The following IMPACT variants were observed in gnomAD, a reference collection of about 807,000 sequenced individuals.
IMPACT encodes impact RWD domain protein.
IMPACT carries 35 observed loss-of-function variants against 47.5 expected under a neutral mutation model. That is an observed-to-expected ratio of 0.74 (90% confidence interval 0.56 to 0.98). IMPACT has a LOEUF of 0.98. Among genes scored for constraint, IMPACT ranks in the 50% least tolerant of loss-of-function variants. The pLI is 0.00. For missense variants in IMPACT, 373 were observed against 394.8 expected (o/e 0.94, Z 0.47); for synonymous variants, 118 against 125.6 (o/e 0.94, Z 0.40).
chr18:24,447,881 A>G (rs983440026), intron 8 of IMPACT, among the ~76,000 whole-genome samples: 3 of 152,290 alleles, frequency 2.0e-5, no homozygotes, highest in East Asian at 3.9e-4. Context: ...GATGCCTTTG[A>G]TTCCTAGCTT....
At chr18:24,429,633 G>A (rs1908700311) in intron 3 of IMPACT, 1 of 151,742 alleles carries the variant, frequency 6.6e-6, no homozygotes, top group Non-Finnish European at 1.5e-5. Context: ...TCAATTACTA[G>A]AATTTGTACC....
chr18:24,441,062 GAGA>G (rs1171331423), intron 6 of IMPACT, among the ~76,000 whole-genome samples: 1 of 151,718 alleles, frequency 6.6e-6, no homozygotes, highest in Non-Finnish European at 1.5e-5. Flanking sequence ...GGTTTTTTTT[GAGA>G]GACAAGGTCT....
At position 24,453,314 on chromosome 18, in the gene IMPACT, C is replaced by T. The variant is rs1196700812; in HGVS notation, c.*2467C>T. On this transcript the variant is annotated 3_prime_UTR_variant, in exon 11 of 11. Transcript: ENST00000284202. Reference sequence around the variant, plus strand: ...AATTTATCGGGAAAATTACATAATCCCTCTGATTCCACTATCCAGAGATAG... The same window carrying T: ...AATTTATCGGGAAAATTACATAATCTCTCTGATTCCACTATCCAGAGATAG... 1.3e-5 allele frequency: 2 copies of T among 151,948 alleles called. No homozygotes were observed. Among genetic ancestry groups the T allele is most frequent in the Non-Finnish European group, 2.9e-5 (2 of 67,978 alleles). 9.4% of individuals were successfully genotyped at this position (151,948 alleles called of 1,614,324 possible).
intron 6 of IMPACT, among the ~76,000 whole-genome samples, chr18:24,442,150 C>CTTTTTTT (rs397965432): frequency 2.6e-5 from 3 of 116,458 alleles, no homozygotes; most frequent in Non-Finnish European, 5.4e-5. Flanking sequence ...ATTAGTGATT[C>CTTTTTTT]TTTTTTTTTT....
At chr18:24,438,474 T>G (rs567417258) in intron 5 of IMPACT, among the ~76,000 whole-genome samples, 1 of 152,378 alleles carries the variant, frequency 6.6e-6, no homozygotes, top group Non-Finnish European at 1.5e-5. Flanking sequence ...TCCTTTAGTC[T>G]GTAAACAGTT....
chr18:24,439,255 G>T (rs1390914027), intron 5 of IMPACT, among the ~76,000 whole-genome samples: 4 of 152,172 alleles, frequency 2.6e-5, no homozygotes, highest in South Asian at 4.1e-4. Flanking sequence ...TTGAGGCTGG[G>T]CACAGTGGCT....
chr18:24,427,644 T>C (rs375289618), intron 1 of IMPACT: 1 of 369,306 alleles, frequency 2.7e-6, no homozygotes, highest in African/African-American at 2.2e-5. Context: ...CTACAAAGTA[T>C]GGGAGTGCAT....
chr18:24,433,082 AAT>A (rs1389906839), intron 4 of IMPACT, among the ~76,000 whole-genome samples: 1 of 151,914 alleles, frequency 6.6e-6, no homozygotes, highest in Non-Finnish European at 1.5e-5. Context: ...CTAATGGTGG[AAT>A]ATGGGGTCTT....
At chr18:24,432,882 C>T (rs1213572343) in intron 4 of IMPACT, among the ~76,000 whole-genome samples, 3 of 152,070 alleles carry the variant, frequency 2.0e-5, no homozygotes, top group African/African-American at 7.2e-5. Flanking sequence ...CATCAGTTAG[C>T]GTTTTTTCTT....
intron 4 of IMPACT, among the ~76,000 whole-genome samples, chr18:24,431,894 G>T (rs949241809): frequency 9.9e-5 from 15 of 152,154 alleles, no homozygotes; most frequent in African/African-American, 3.6e-4. Flanking sequence ...TAGAGGCGGA[G>T]TTTCACCATG....
In IMPACT at chr18:24,452,896, A is replaced by G. The variant is rs1909422490; in HGVS notation, c.*2049A>G. 6.6e-6 allele frequency: 1 copy of G among 152,126 alleles called. No individual in the cohort carries two copies. The highest frequency in any genetic ancestry group is 2.4e-5 in the African/African-American group (1 of 41,406). The allele number at this position is 152,126 out of a possible 1,614,324, so 9.4% of individuals were successfully genotyped here. A position where few individuals can be genotyped will look rare whatever the true frequency, so the allele number is the denominator to read the frequency against. On this transcript the variant is annotated 3_prime_UTR_variant, in exon 11 of 11. Coordinates refer to ENST00000284202, the MANE Select transcript of IMPACT (RefSeq NM_018439.4). ...GCAGCCTTGACCTTCCAGCCTGCCA[A>G]GTAGCTGGGATTACAGACAGGCATG...
intron 5 of IMPACT, 101 bp from the exon 6 acceptor site, chr18:24,440,395 G>T (rs45537836): frequency 1.6e-6 from 2 of 1,248,916 alleles, no homozygotes; most frequent in Non-Finnish European, 2.2e-6. Flanking sequence ...GGTTCCTTTC[G>T]TTGAAGAGTG....
At chr18:24,435,208 GATCT>G (rs997403179) in intron 4 of IMPACT, among the ~76,000 whole-genome samples, 7 of 151,916 alleles carry the variant, frequency 4.6e-5, no homozygotes, top group African/African-American at 1.2e-4. Flanking sequence ...GGCCTCAAGT[GATCT>G]ATCTGTCTCT....
At chr18:24,441,629 CA>C (rs1909116521) in intron 6 of IMPACT, among the ~76,000 whole-genome samples, 1 of 151,832 alleles carries the variant, frequency 6.6e-6, no homozygotes, top group Non-Finnish European at 1.5e-5. Context: ...CATGGTAGAC[CA>C]GGGGGAATAT....
chr18:24,428,964 A>G, intron 3 of IMPACT, 43 bp downstream of exon 3: 1 of 1,367,142 alleles, frequency 7.3e-7, no homozygotes, highest in Non-Finnish European at 1.0e-6. Flanking sequence ...AAAAGATTCT[A>G]TTCTGAAAGA....
rs756539252 is a variant in IMPACT at position 24,437,957 on chromosome 18, A to G, written c.284A>G (p.Gln95Arg). The change falls in exon 5 of 11, where the codon CAG (glutamine) becomes CGG (arginine). Residue 95 changes from glutamine to arginine, a missense_variant and splice_region_variant. Physicochemically the swap from Gln to Arg is conservative, Grantham distance 43. Transcript: ENST00000284202. ...TTTTTCCCCTGAATTTTGTTTAGTC[A>G]GAATATCGGTGAAAGTATTCTTTAC... ...LSNSLEEIYI[Q>R]NIGESILYLW... is the part of the protein sequence containing the mutation. The G allele has an allele frequency of 2.0e-6, 3 of 1,511,396 alleles. No individual in the cohort carries two copies. Among genetic ancestry groups the G allele is most frequent in the East Asian group, 2.3e-5 (1 of 43,672 alleles). The allele number at this position is 1,511,396 out of a possible 1,614,324, so 93.6% of individuals were successfully genotyped here.
At chr18:24,437,558 A>C (rs746432338) in intron 4 of IMPACT, among the ~76,000 whole-genome samples, 18 of 152,226 alleles carry the variant, frequency 1.2e-4, no homozygotes, top group Non-Finnish European at 2.1e-4. Context: ...GTACCAAATA[A>C]GGGGTTTGAA....
Position 24,453,487 on chromosome 18 carries a change from T to C in IMPACT, c.*2640T>C, listed in dbSNP as rs1909441046. ...CCTACATATTTCATATAGAAGTATA[T>C]TGTTAACATTTTCCATGTCAATAAA... On this transcript the variant is annotated 3_prime_UTR_variant, in exon 11 of 11. Coordinates refer to ENST00000284202, the MANE Select transcript of IMPACT (RefSeq NM_018439.4). 6.6e-6 allele frequency: 1 copy of C among 151,710 alleles called. No homozygotes were observed. Among genetic ancestry groups the C allele is most frequent in the Admixed American group, 6.6e-5 (1 of 15,154 alleles). 9.4% of individuals were successfully genotyped at this position (151,710 alleles called of 1,614,324 possible).
intron 6 of IMPACT, among the ~76,000 whole-genome samples, chr18:24,440,957 G>A (rs1456148656): frequency 2.6e-5 from 4 of 152,154 alleles, no homozygotes; most frequent in East Asian, 3.8e-4. Flanking sequence ...GTTTCCTGAT[G>A]TTTCAGGATT....
Sources: allele counts gnomAD v4.1 joint callset (sites outside exome capture counted in the v4.1 genomes callset), GRCh38; gene constraint gnomAD v4.1.1; transcripts MANE v1.5; gene names NCBI Gene and HGNC (gene_info 2026-07-23, HGNC 2026-07-21).